Variants in ZNF76 observed in about 807,000 individuals in gnomAD.
ZNF76 encodes the protein zinc finger protein 76.
Under a neutral mutation model 66.9 loss-of-function variants are expected in ZNF76, and 66 were observed. That is an observed-to-expected ratio of 0.99 (90% CI 0.81 to 1.21). The LOEUF (loss-of-function observed/expected upper bound fraction) is 1.21, where lower values mean the gene tolerates loss of function less well. ZNF76 is among the 50% of genes most tolerant of loss of function. ZNF76 has a pLI of 0.00. For synonymous variants in ZNF76, 275 were observed against 296.1 expected (o/e 0.93, Z 0.73); for missense variants, 729 against 760.3 (o/e 0.96, Z 0.48).
In ZNF76 at chr6:35,272,469, C is replaced by CTGTGTGTGTG. The variant is rs58456911; in HGVS notation, c.-96-8553_-96-8544dup. The stretch of plus-strand genomic sequence containing the variant: ...TGGGTGACAGAGCAAGACCCTGTTT[C>CTGTGTGTGTG]TGTGTGTGTGTGTGTGTGTGTGTGT... On this transcript the variant is annotated intron_variant, in intron 1 of 13. Coordinates refer to ENST00000373953, the MANE Select transcript of ZNF76 (RefSeq NM_003427.5). Among the ~76,000 whole-genome samples, 60 of 149,644 alleles carry CTGTGTGTGTG rather than the reference C, an allele frequency of 4.0e-4. No homozygotes were observed. In the East Asian group the frequency reaches 4.6e-3, roughly 11 times the overall value.
In ZNF76 at chr6:35,295,339, A is replaced by G. The variant is rs1486598077; in HGVS notation, c.*91A>G. The G allele has an allele frequency of 8.6e-7, 1 of 1,159,986 alleles. No individual in the cohort carries two copies. Among genetic ancestry groups the G allele is most frequent in the Non-Finnish European group, 1.2e-6 (1 of 802,120 alleles). 71.9% of individuals were successfully genotyped at this position (1,159,986 alleles called of 1,614,324 possible). On this transcript the variant is annotated 3_prime_UTR_variant, in exon 14 of 14. Transcript: ENST00000373953. ...CAAGGGCCCAGGCTGTGGCTGACAC[A>G]TAGAAGGTGGCCACATAGGTCTCTG...
At chr6:35,281,033 T>G in intron 1 of ZNF76, 23 bp from the exon 2 acceptor site, 2 of 988,916 alleles carry the variant, frequency 2.0e-6, no homozygotes, top group Non-Finnish European at 3.2e-6. Flanking sequence ...TAACTCATAA[T>G]GTGATACTGT....
chr6:35,282,970 ACTTCCCACTCCAGGT>A (rs1312678253), intron 2 of ZNF76, among the ~76,000 whole-genome samples: 2 of 152,158 alleles, frequency 1.3e-5, no homozygotes, highest in Non-Finnish European at 2.9e-5. Flanking sequence ...CTGTTTGCAG[ACTTCCCACTCCAGGT>A]CTTGCCCCTC....
Position 35,281,240 on chromosome 6 carries a change from G to C in ZNF76, c.73+16G>C. 6.2e-7 allele frequency: 1 copy of C among 1,612,110 alleles called. No individual in the cohort carries two copies. Among genetic ancestry groups the C allele is most frequent in the South Asian group, 1.1e-5 (1 of 91,002 alleles). ...GCTGTCAAAGGTAAGTATTTCTGGG[G>C]ACCTCAGGATCCTGCCCTGTCCCTC... is the stretch of plus-strand genomic sequence containing the variant. On this transcript the variant is annotated intron_variant, in intron 2 of 13. Transcript: ENST00000373953.
chr6:35,270,842 C>G (rs1786940232), intron 1 of ZNF76, among the ~76,000 whole-genome samples: 2 of 152,190 alleles, frequency 1.3e-5, no homozygotes, highest in African/African-American at 2.4e-5. Context: ...CAGGTGTGAG[C>G]CACTGCGCCC....
chr6:35,282,363 TA>T (rs60281715), intron 2 of ZNF76, among the ~76,000 whole-genome samples: 3,411 of 134,220 alleles, frequency 0.025, 59 homozygotes, highest in East Asian at 0.078. Flanking sequence ...TACCAAGTTC[TA>T]AAAAAAAAAA....
intron 9 of ZNF76, 102 bp downstream of exon 9, chr6:35,291,839 TTC>T: frequency 2.8e-6 from 4 of 1,414,390 alleles, no homozygotes; most frequent in Non-Finnish European, 2.9e-6. Context: ...CCCAGAACCC[TTC>T]TGTGCCAGCC....
In ZNF76 at chr6:35,292,971, C is replaced by A. The variant is rs866706189; in HGVS notation, c.1256C>A (p.Ala419Asp). The A allele has an allele frequency of 6.2e-7, 1 of 1,614,210 alleles. No individual in the cohort carries two copies. Among genetic ancestry groups the A allele is most frequent in the East Asian group, 2.2e-5 (1 of 44,886 alleles). ...AAGGAAGAGAGAGATGACATCCCAG[C>A]CCAGGTGGCGATGGTGACTGAAGAA... ...EVKEERDDIP[A>D]QVAMVTEEDG... The change falls in exon 11 of 14, where the codon GCC (alanine) becomes GAC (aspartate). Residue 419 changes from alanine (A) to aspartate (D), a missense_variant. By Grantham distance (126) the Ala-to-Asp change is moderately radical. Transcript: ENST00000373953. This position sits in a 1 kb window ranked among gnomAD's most constrained non-coding sequence, Gnocchi z 4.7.
At chr6:35,267,539 A>G (rs538973708) in intron 1 of ZNF76, among the ~76,000 whole-genome samples, 2 of 152,350 alleles carry the variant, frequency 1.3e-5, no homozygotes, top group South Asian at 4.1e-4. Flanking sequence ...TACACCAGGT[A>G]GTGGTATTGG....
In ZNF76 at chr6:35,285,924, T is replaced by A. The variant is rs574197302; in HGVS notation, c.74-204T>A. Among the ~76,000 whole-genome samples, 404 of 55,720 alleles carry A rather than the reference T, an allele frequency of 7.3e-3. 3 individuals are homozygous for A. The highest frequency in any genetic ancestry group is 0.017 in the African/African-American group (386 of 22,702). The allele number at this position is 55,720 out of a possible 152,430, so 36.6% of individuals were successfully genotyped here. ...AGGGAATCTGTTGGGAGGTGATGGGTTCGGCAAGGCAAGTGTCTTCACCCT... is the reference window on the plus strand; with the variant it reads ...AGGGAATCTGTTGGGAGGTGATGGGATCGGCAAGGCAAGTGTCTTCACCCT... On this transcript the variant is annotated intron_variant, in intron 2 of 13. Coordinates refer to ENST00000373953, the MANE Select transcript of ZNF76 (RefSeq NM_003427.5).
intron 2 of ZNF76, among the ~76,000 whole-genome samples, chr6:35,283,835 TC>T (rs1321732229): frequency 6.6e-6 from 1 of 152,114 alleles, no homozygotes; most frequent in Non-Finnish European, 1.5e-5. Context: ...GGGTTCATCT[TC>T]CCCCCATCTC....
At chr6:35,282,341 C>G (rs1014464019) in intron 2 of ZNF76, among the ~76,000 whole-genome samples, 8 of 146,980 alleles carry the variant, frequency 5.4e-5, no homozygotes, top group African/African-American at 2.0e-4. Context: ...CTATAAAATA[C>G]TAAAATAATA....
rs762018098 is a variant in ZNF76 at position 35,293,895 on chromosome 6, G to A, written c.1474G>A (p.Asp492Asn). The change falls in exon 12 of 14, where the codon GAT (aspartate) becomes AAT (asparagine). Residue 492 changes from aspartate (D) to asparagine (N), a missense_variant. Transcript: ENST00000373953. ...ACATACAGTCACCATGGTCAGCGCC[G>A]ATGGCACCCAGACGCAGCCCGTATG... ...GTHTVTMVSA[D>N]GTQTQPVTII... 116 of 1,613,970 alleles carry A rather than the reference G, an allele frequency of 7.2e-5. No individual in the cohort carries two copies. Among genetic ancestry groups the A allele is most frequent in the East Asian group, 8.9e-5 (4 of 44,886 alleles).
chr6:35,294,926 C>T, intron 13 of ZNF76: 1 of 587,332 alleles, frequency 1.7e-6, no homozygotes, highest in Non-Finnish European at 3.0e-6. Flanking sequence ...GTGGGTCTCT[C>T]TGACCCTGGC....
rs368958147 is a variant in ZNF76 at position 35,290,288 on chromosome 6, C to G, written c.455C>G (p.Pro152Arg). Residue 152 changes from proline (P) to arginine (R), a missense_variant, in exon 6 of 14, where the codon CCC becomes CGC. Coordinates refer to ENST00000373953, the MANE Select transcript of ZNF76 (RefSeq NM_003427.5). ...CAGGTTCTTCATGACAGCCAGATTC[C>G]CCGTAATGGAAAAGGGCAGCAAGTT... The part of the protein sequence containing the change: ...ASKVLHDSQI[P>R]RNGKGQQVGD... The G allele has an allele frequency of 4.3e-6, 7 of 1,614,034 alleles. No individual in the cohort carries two copies. Among genetic ancestry groups the G allele is most frequent in the African/African-American group, 2.7e-5 (2 of 74,908 alleles).
chr6:35,286,737 A>G (rs1474015954), intron 4 of ZNF76: 4 of 387,960 alleles, frequency 1.0e-5, no homozygotes, highest in Admixed American at 3.9e-5. Context: ...ATATTTTAGA[A>G]TGAAGCTCCT....
Position 35,291,669 on chromosome 6 carries a change from C to T in ZNF76, c.863C>T (p.Pro288Leu), listed in dbSNP as rs140803545. ...ACAGGCGAGAGGCCCTACACCTGCC[C>T]GGAGCCCCACTGTGGCCGCGGCTTC... Reference protein sequence around the residue: ...THTGERPYTCPEPHCGRGFTS... With the variant: ...THTGERPYTCLEPHCGRGFTS... Residue 288 changes from proline (P) to leucine (L), a missense_variant, in exon 9 of 14, where the codon CCG (proline) becomes CTG (leucine). Coordinates refer to ENST00000373953, the MANE Select transcript of ZNF76 (RefSeq NM_003427.5). The T allele has an allele frequency of 3.0e-5, 48 of 1,613,804 alleles. No individual in the cohort carries two copies. The highest frequency in any genetic ancestry group is 5.5e-5 in the South Asian group (5 of 91,084).
At position 35,295,396 on chromosome 6, in the gene ZNF76, T is replaced by C. The variant is rs936013399; in HGVS notation, c.*148T>C. On this transcript the variant is annotated 3_prime_UTR_variant, in exon 14 of 14. Transcript: ENST00000373953. ...GAAGACAGCAAGAAAACTGCCTAAC[T>C]GAAGGGAATGGGGGCCCTGCTCAAG... is the stretch of plus-strand genomic sequence containing the variant. 9.6e-6 allele frequency: 7 copies of C among 727,304 alleles called. No individual in the cohort carries two copies. The African/African-American group carries it at 1.2e-4, about 13-fold the overall frequency. The allele number at this position is 727,304 out of a possible 1,614,324, so 45.1% of individuals were successfully genotyped here. A position where few individuals can be genotyped will look rare whatever the true frequency, so the allele number is the denominator to read the frequency against.
intron 1 of ZNF76, among the ~76,000 whole-genome samples, chr6:35,260,481 C>T (rs1213814953): frequency 6.6e-6 from 1 of 152,192 alleles, no homozygotes; most frequent in Non-Finnish European, 1.5e-5. Flanking sequence ...AAAATCACCC[C>T]CACTGGCATC....
Sources: allele counts gnomAD v4.1 joint callset (sites outside exome capture counted in the v4.1 genomes callset), GRCh38; gene constraint gnomAD v4.1.1; non-coding constraint Gnocchi (gnomAD v3.1); transcripts MANE v1.5; gene names NCBI Gene and HGNC (gene_info 2026-07-23, HGNC 2026-07-21).